Variants in DMD observed in about 807,000 individuals in gnomAD.
The protein encoded by DMD is mutant dystrophin.
DMD carries 63 observed loss-of-function variants against 330.1 expected under a neutral mutation model. That is an observed-to-expected ratio of 0.19 (90% CI 0.16 to 0.24). The LOEUF is 0.24. Ranked by LOEUF, DMD falls within the 10% of genes least tolerant of loss-of-function variation. DMD has a pLI of 1.00. For synonymous variants in DMD, 1,223 were observed against 959.8 expected (o/e 1.27, Z -5.07); for missense variants, 3,344 against 2,684.1 (o/e 1.25, Z -5.43).
At chrX:31,365,895 G>A (rs751131996) in intron 60 of DMD, among the ~76,000 whole-genome samples, 1 of 112,478 alleles carries the variant, frequency 8.9e-6, no homozygotes, top group African/African-American at 3.2e-5. Flanking sequence ...GGTCTAAACC[G>A]ATTAAAAAGG....
chrX:31,628,941 T>TATATATATA (rs1319231616), intron 54 of DMD, among the ~76,000 whole-genome samples: 28 of 102,196 alleles, frequency 2.7e-4, no homozygotes, highest in African/African-American at 9.8e-4. Flanking sequence ...TATATATATA[T>TATATATATA]AAAATGCATG....
intron 41 of DMD, among the ~76,000 whole-genome samples, chrX:32,335,350 G>A (rs996126159): frequency 1.9e-5 from 2 of 106,235 alleles, no homozygotes; most frequent in South Asian, 8.1e-4. Flanking sequence ...ACAAGCAACT[G>A]CCAGCAAGCC....
intron 50 of DMD, among the ~76,000 whole-genome samples, chrX:31,801,590 CCA>C (rs11418895): frequency 0.095 from 8,530 of 89,793 alleles, 397 homozygotes; most frequent in East Asian, 0.29. Flanking sequence ...TCCCCCCCCC[CCA>C]ACACACACAC....
At position 31,183,793 on chromosome X, in the gene DMD, T is replaced by C. The variant is rs1038165238; in HGVS notation, c.9808-889A>G. ...TCTGGGATTAGTTCTGCCTGAAATA[T>C]GTCCCTTAGAATTTCCTTTAGCTGT... On this transcript the variant is annotated intron_variant, in intron 67 of 78. Transcript: ENST00000357033. Among the ~76,000 whole-genome samples the C allele has an allele frequency of 3.2e-4, 36 of 111,106 alleles. No individual in the cohort carries two copies. The Admixed American group carries it at 3.4e-3, about 10-fold the overall frequency.
intron 63 of DMD, among the ~76,000 whole-genome samples, chrX:31,236,536 G>A (rs188751886): frequency 8.9e-6 from 1 of 112,211 alleles, no homozygotes; most frequent in Non-Finnish European, 1.9e-5. Context: ...CTAATTTAAC[G>A]TTTAAAACAA....
At chrX:32,691,082 T>C (rs1299924095) in intron 9 of DMD, among the ~76,000 whole-genome samples, 1 of 111,149 alleles carries the variant, frequency 9.0e-6, no homozygotes, top group Non-Finnish European at 1.9e-5. Flanking sequence ...ATATATATTA[T>C]GAGAATTATT....
intron 1 of DMD, among the ~76,000 whole-genome samples, chrX:33,103,135 A>G: frequency 8.9e-6 from 1 of 111,976 alleles, no homozygotes; most frequent in Non-Finnish European, 1.9e-5. Context: ...AAATCCAGTA[A>G]TATTAATTGG....
At chrX:32,775,220 C>T (rs1251573082) in intron 7 of DMD, among the ~76,000 whole-genome samples, 1 of 112,562 alleles carries the variant, frequency 8.9e-6, no homozygotes, top group Non-Finnish European at 1.9e-5. Context: ...ATGGCTTTCA[C>T]AGTGCCTGCA....
At chrX:32,381,996 T>C (rs957598985) in intron 33 of DMD, among the ~76,000 whole-genome samples, 3 of 110,977 alleles carry the variant, frequency 2.7e-5, no homozygotes, top group African/African-American at 9.8e-5. Context: ...TACTTATTAA[T>C]AGAACACAGG....
intron 11 of DMD, among the ~76,000 whole-genome samples, chrX:32,625,178 A>G (rs935593238): frequency 1.3e-4 from 14 of 111,961 alleles, no homozygotes; most frequent in South Asian, 3.7e-4. Context: ...TTCAAAAAAC[A>G]AAAAAGAAAG....
chrX:31,625,885 C>G (rs2078810607), intron 55 of DMD, among the ~76,000 whole-genome samples: 2 of 111,694 alleles, frequency 1.8e-5, no homozygotes, highest in Non-Finnish European at 3.8e-5. Flanking sequence ...CTTTATTTTT[C>G]AAAGTAATCT....
At chrX:31,610,354 A>T (rs1221155726) in intron 55 of DMD, among the ~76,000 whole-genome samples, 1 of 111,818 alleles carries the variant, frequency 8.9e-6, no homozygotes, top group African/African-American at 3.2e-5. Context: ...AAAGTTACTA[A>T]TTAATTTGTA....
At chrX:32,675,020 T>C (rs908543121) in intron 9 of DMD, among the ~76,000 whole-genome samples, 2 of 111,714 alleles carry the variant, frequency 1.8e-5, no homozygotes, top group African/African-American at 6.5e-5. Context: ...AATATGTACT[T>C]ATATCATCTT....
chrX:31,953,479 A>G (rs2095210728), intron 45 of DMD, among the ~76,000 whole-genome samples: 1 of 112,245 alleles, frequency 8.9e-6, no homozygotes, highest in Non-Finnish European at 1.9e-5. Flanking sequence ...CCACAAATTC[A>G]TATTGTTCAT....
intron 11 of DMD, among the ~76,000 whole-genome samples, chrX:32,615,761 A>C (rs999185959): frequency 9.0e-6 from 1 of 111,449 alleles, no homozygotes; most frequent in African/African-American, 3.3e-5. Flanking sequence ...ATGAGATTAT[A>C]ATACAAAGAG....
chrX:32,017,039 C>A lies in DMD; in HGVS notation c.6439-48525G>T, dbSNP rs143217385. 7.7e-3 allele frequency among the ~76,000 whole-genome samples: 867 copies of A among 111,888 alleles called. 3 individuals are homozygous for A. The highest frequency in any genetic ancestry group is 0.026 in the African/African-American group (815 of 30,819). On this transcript the variant is annotated intron_variant, in intron 44 of 78. Transcript: ENST00000357033. ...TCCCATAAAATGCTTGGGGAGCAAT[C>A]CTTTTGCATTTAGAGACCATTTAGT...
At chrX:32,309,554 T>C (rs2097553508) in intron 42 of DMD, among the ~76,000 whole-genome samples, 2 of 111,462 alleles carry the variant, frequency 1.8e-5, no homozygotes, top group African/African-American at 6.5e-5. Flanking sequence ...AGCTGGATTT[T>C]GTTGGTAGCC....
chrX:32,729,240 A>G (rs913481865), intron 7 of DMD, among the ~76,000 whole-genome samples: 4 of 111,959 alleles, frequency 3.6e-5, no homozygotes, highest in Non-Finnish European at 7.5e-5. Context: ...ATGTATAATA[A>G]AGATATTCCA....
intron 7 of DMD, among the ~76,000 whole-genome samples, chrX:32,786,086 A>AGTGTGTATGT (rs1557029347): frequency 1.1e-4 from 11 of 96,565 alleles, no homozygotes; most frequent in South Asian, 4.8e-4. Context: ...GAGGAATAAG[A>AGTGTGTATGT]GTGTGTGTGT....
Sources: allele counts gnomAD v4.1 joint callset (sites outside exome capture counted in the v4.1 genomes callset), GRCh38; gene constraint gnomAD v4.1.1; transcripts MANE v1.5; gene names NCBI Gene and HGNC (gene_info 2026-07-23, HGNC 2026-07-21).